DNAH17: variants seen among roughly 807,000 people sequenced by gnomAD.
DNAH17 encodes the protein dynein axonemal heavy chain 17.
A neutral mutation model predicts 485.6 loss-of-function variants in DNAH17; 376 were observed. The ratio of observed to expected loss-of-function variants is 0.77; its 90% CI spans 0.71 to 0.84. DNAH17 has a LOEUF of 0.84. Ranked by LOEUF, DNAH17 falls within the 40% of genes least tolerant of loss-of-function variation. The pLI is 0.00. For synonymous variants in DNAH17, 3,031 were observed against 2,405.9 expected (o/e 1.26, Z -7.60); for missense variants, 6,370 against 5,839.3 (o/e 1.09, Z -2.96).
chr17:78,561,336 G>C (rs550640640), intron 12 of DNAH17, among the ~76,000 whole-genome samples: 1 of 151,884 alleles, frequency 6.6e-6, no homozygotes, highest in South Asian at 2.1e-4. Context: ...GGCCAAGCCG[G>C]GGCTCCCCTG....
intron 57 of DNAH17, among the ~76,000 whole-genome samples, chr17:78,462,188 G>A (rs2088163536): frequency 6.6e-6 from 1 of 150,722 alleles, no homozygotes. Context: ...CAAGTGAGTT[G>A]CAGTGCCGAG....
rs373068644 is a variant in DNAH17, at chr17:78,574,893, C to T, written c.165G>A (p.Thr55=). Reference sequence around the variant, plus strand: ...GTATGATCATGCCGGCTGCATTGAGCGTCAGCACCAGCACCTGGACGTCGG... The same window carrying T: ...GTATGATCATGCCGGCTGCATTGAGTGTCAGCACCAGCACCTGGACGTCGG... ...EKPDVQVLVL[T]LNAAGMIIPC... is the part of the protein sequence containing the mutation. The change falls in exon 2 of 81, where the codon ACG becomes ACA. Residue 55 remains threonine (T), a synonymous_variant. Transcript: ENST00000389840. 1.8e-5 allele frequency: 29 copies of T among 1,613,856 alleles called. No individual in the cohort carries two copies. Among genetic ancestry groups the T allele is most frequent in the Middle Eastern group, 1.6e-4 (1 of 6,084 alleles).
Position 78,460,193 on chromosome 17 carries a change from G to A in DNAH17, c.9404C>T (p.Ala3135Val), listed in dbSNP as rs780543509. Residue 3135 changes from alanine to valine, a missense_variant, in exon 59 of 81, where the codon GCA becomes GTA. Transcript: ENST00000389840. ...DLAKAEPALL[A>V]AQEALDTLNK... ...CAGAGTGTCCAGAGCCTCCTGGGCT[G>A]CCAGCAGGGCCGGTTCTGCTTTGGC... 3.0e-5 allele frequency: 49 copies of A among 1,608,764 alleles called. No individual in the cohort carries two copies. Among genetic ancestry groups the A allele is most frequent in the Non-Finnish European group, 4.0e-5 (47 of 1,177,312 alleles).
chr17:78,453,887 T>C (rs1242463367), intron 64 of DNAH17, among the ~76,000 whole-genome samples: 3 of 151,938 alleles, frequency 2.0e-5, no homozygotes, highest in Non-Finnish European at 2.9e-5. Flanking sequence ...TTGTTTTTTG[T>C]TGGAGAGACA....
In DNAH17 at chr17:78,507,459, T is replaced by G. The variant is rs774863385; in HGVS notation, c.4583A>C (p.Lys1528Thr). 1 of 1,612,366 alleles carries G rather than the reference T, an allele frequency of 6.2e-7. No individual in the cohort carries two copies. Among genetic ancestry groups the G allele is most frequent in the Non-Finnish European group, 8.5e-7 (1 of 1,178,394 alleles). ...TGGGAACCACCGGGCTGTGCTCACC[T>G]TGAATTCCTGGTTGATGTCGTCAAA... is the stretch of plus-strand genomic sequence containing the variant. Reference protein sequence around the residue: ...QRFDDINQEFKALMEDAVKTP... With the variant: ...QRFDDINQEFTALMEDAVKTP... Residue 1528 changes from lysine (K) to threonine (T), a missense_variant and splice_region_variant, in exon 28 of 81, where the codon AAG becomes ACG. Transcript: ENST00000389840.
rs776858136 is a variant in DNAH17, at chr17:78,505,438, C to T, written c.4811G>A (p.Arg1604His). The change falls in exon 31 of 81, where the codon CGC becomes CAC. Residue 1604 changes from arginine (R) to histidine (H), a missense_variant. By Grantham distance (29) the Arg-to-His change is conservative. Coordinates refer to ENST00000389840, the MANE Select transcript of DNAH17 (RefSeq NM_173628.4). ...SNGNDPVEVS[R>H]HLSKLFDSLC... ...GCTATCGAAGAGTTTGGACAGGTGG[C>T]GGCTCACCTGGGAGGAGGCAAGAAG... 10 of 1,613,770 alleles carry T rather than the reference C, an allele frequency of 6.2e-6. No individual in the cohort carries two copies. The highest frequency in any genetic ancestry group is 2.2e-5 in the South Asian group (2 of 91,086).
At chr17:78,482,480 T>C (rs958952258) in intron 48 of DNAH17, among the ~76,000 whole-genome samples, 1 of 152,212 alleles carries the variant, frequency 6.6e-6, no homozygotes, top group African/African-American at 2.4e-5. Context: ...ATTATATATG[T>C]CCATGGTGTC....
rs11290299 is a variant in DNAH17 at position 78,484,095 on chromosome 17, C to CAAAAAA, written c.7649+767_7649+772dup. 8.1e-4 allele frequency among the ~76,000 whole-genome samples: 31 copies of CAAAAAA among 38,400 alleles called. 1 individual carries two copies. Among genetic ancestry groups the CAAAAAA allele is most frequent in the African/African-American group, 3.4e-3 (29 of 8,642 alleles). The allele number at this position is 38,400 out of a possible 152,430, so 25.2% of individuals were successfully genotyped here. On this transcript the variant is annotated intron_variant, in intron 48 of 80. Coordinates refer to ENST00000389840, the MANE Select transcript of DNAH17 (RefSeq NM_173628.4). ...TGAGAGACAGAGCGAGATTTCTCCT[C>CAAAAAA]AAAAAAAAAAAAAAAAAAAAAAAAA...
At chr17:78,541,913 G>A (rs1283996760) in intron 17 of DNAH17, among the ~76,000 whole-genome samples, 3 of 152,082 alleles carry the variant, frequency 2.0e-5, no homozygotes, top group Admixed American at 2.0e-4. Context: ...TGGCAGGGAG[G>A]GGAGGGATGG....
rs759527281 is a variant in DNAH17, at chr17:78,507,389, G to A, written c.4585-20C>T. The A allele has an allele frequency of 9.9e-6, 16 of 1,613,772 alleles. No individual in the cohort carries two copies. The highest frequency in any genetic ancestry group is 1.6e-4 in the Middle Eastern group (1 of 6,082). On this transcript the variant is annotated intron_variant, in intron 28 of 80. Coordinates refer to ENST00000389840, the MANE Select transcript of DNAH17 (RefSeq NM_173628.4). ...CAAGGCCTGGGAAGAGAAGGGGATC[G>A]CCAAGGCATTAGGGATCGCCACACA...
chr17:78,510,559 G>C, intron 26 of DNAH17, 53 bp from the exon 27 acceptor site: 1 of 1,598,726 alleles, frequency 6.3e-7, no homozygotes, highest in Non-Finnish European at 8.6e-7. Flanking sequence ...GCACTCTGCA[G>C]TGGGCAGACG....
At chr17:78,440,325 C>T (rs1257255108) in intron 72 of DNAH17, among the ~76,000 whole-genome samples, 2 of 135,764 alleles carry the variant, frequency 1.5e-5, no homozygotes, top group South Asian at 2.5e-4. Flanking sequence ...GGCTTGATCA[C>T]GGCTCACTAC....
intron 43 of DNAH17, 119 bp from the exon 44 acceptor site, chr17:78,490,966 C>T: frequency 1.6e-6 from 2 of 1,254,432 alleles, no homozygotes; most frequent in South Asian, 3.2e-5. Context: ...CCAGGCCAGC[C>T]CTGCCACCCC....
At position 78,574,980 on chromosome 17, in the gene DNAH17, C is replaced by G; in HGVS notation, c.78G>C (p.Lys26Asn). The G allele has an allele frequency of 6.2e-7, 1 of 1,614,018 alleles. No homozygotes were observed. The highest frequency in any genetic ancestry group is 8.5e-7 in the Non-Finnish European group (1 of 1,179,890). ...ASIVLKFKPD[K>N]WSKLIGAEEN... Reference sequence around the variant, plus strand: ...CCTCGGCGCCTATCAGCTTGCTCCACTTGTCCGGCTTGAACTTCAGGACGA... The same window carrying G: ...CCTCGGCGCCTATCAGCTTGCTCCAGTTGTCCGGCTTGAACTTCAGGACGA... Residue 26 changes from lysine (K) to asparagine (N), a missense_variant, in exon 2 of 81, where the codon AAG (lysine) becomes AAC (asparagine). By Grantham distance (94) the Lys-to-Asn change is moderately conservative. Transcript: ENST00000389840.
intron 26 of DNAH17, among the ~76,000 whole-genome samples, chr17:78,511,531 G>C (rs1034212948): frequency 6.6e-6 from 1 of 152,216 alleles, no homozygotes; most frequent in Non-Finnish European, 1.5e-5. Flanking sequence ...GGCAGTGGCC[G>C]AATCACAGGT....
At chr17:78,492,037 G>C in intron 42 of DNAH17, among the ~76,000 whole-genome samples, 1 of 152,242 alleles carries the variant, frequency 6.6e-6, no homozygotes, top group Admixed American at 6.5e-5. Flanking sequence ...AGAAGCCAGC[G>C]AAGGGGGACA....
intron 14 of DNAH17, among the ~76,000 whole-genome samples, chr17:78,553,313 TTTTTTTA>T (rs1358293716): frequency 0.016 from 849 of 52,934 alleles, 128 homozygotes; most frequent in African/African-American, 0.032. Context: ...TTTTTTTTTT[TTTTTTTA>T]AGATGGAGTC....
rs6501225 is a variant in DNAH17 at position 78,506,533 on chromosome 17, C to T, written c.4803+187G>A. Among the ~76,000 whole-genome samples the T allele has an allele frequency of 0.81, 122,749 of 152,090 alleles. 49,645 individuals carry two copies. Among genetic ancestry groups the T allele is most frequent in the Middle Eastern group, 0.84 (248 of 294 alleles). ...GCCAAGTGCAGAGCAGGATGTGAGG[C>T]GAGTCCTGCCACGTTTCTGCCATGG... On this transcript the variant is annotated intron_variant, in intron 30 of 80. Transcript: ENST00000389840.
chr17:78,575,748 C>T (rs1293533357), intron 1 of DNAH17, among the ~76,000 whole-genome samples: 3 of 152,122 alleles, frequency 2.0e-5, no homozygotes, highest in Non-Finnish European at 4.4e-5. Context: ...AAGGGATCCC[C>T]TTAAAGAACA....
Sources: allele counts gnomAD v4.1 joint callset (sites outside exome capture counted in the v4.1 genomes callset), GRCh38; gene constraint gnomAD v4.1.1; transcripts MANE v1.5; gene names NCBI Gene and HGNC (gene_info 2026-07-23, HGNC 2026-07-21).